MYO1E: variants seen among roughly 807,000 people sequenced by gnomAD.
MYO1E encodes the protein unconventional myosin-Ie.
MYO1E carries 68 observed loss-of-function variants against 151.1 expected under a neutral mutation model. The ratio of observed to expected loss-of-function variants is 0.45; its 90% CI spans 0.37 to 0.55. The LOEUF is 0.55. MYO1E is among the 20% of genes least tolerant of loss of function. MYO1E has a pLI of 0.00. For synonymous variants in MYO1E, 601 were observed against 501.7 expected (o/e 1.20, Z -2.64); for missense variants, 1,363 against 1,389.3 (o/e 0.98, Z 0.30).
intron 1 of MYO1E, among the ~76,000 whole-genome samples, chr15:59,309,346 C>A (rs1198922288): frequency 2.0e-5 from 3 of 152,104 alleles, no homozygotes; most frequent in African/African-American, 7.2e-5. Context: ...CTACAACCCC[C>A]AAAAAAGCAA....
intron 1 of MYO1E, among the ~76,000 whole-genome samples, chr15:59,307,323 G>A (rs554692635): frequency 5.9e-5 from 9 of 152,302 alleles, no homozygotes; most frequent in Admixed American, 2.6e-4. Flanking sequence ...CCCTGGGCCC[G>A]GGGAGGATGA....
intron 1 of MYO1E, among the ~76,000 whole-genome samples, chr15:59,332,075 T>C (rs971835178): frequency 7.2e-5 from 11 of 152,236 alleles, no homozygotes; most frequent in African/African-American, 2.7e-4. Context: ...AAAGCAAAAG[T>C]ATCCTACCAT....
intron 5 of MYO1E, among the ~76,000 whole-genome samples, chr15:59,235,220 T>G: frequency 6.6e-6 from 1 of 152,200 alleles, no homozygotes; most frequent in East Asian, 1.9e-4. Context: ...GTTTCTTGAA[T>G]TGGCAAGTGG....
Position 59,205,433 on chromosome 15 carries a change from A to G in MYO1E, c.1583T>C (p.Met528Thr). The G allele has an allele frequency of 1.9e-6, 3 of 1,614,230 alleles. No individual in the cohort carries two copies. The highest frequency in any genetic ancestry group is 2.2e-5 in the East Asian group (1 of 44,894). The change falls in exon 15 of 28, where the codon ATG becomes ACG. Residue 528 changes from methionine (M) to threonine (T), a missense_variant. Transcript: ENST00000288235. ...GCTCTGCATAAGCTCGATGAGATCC[A>G]TAAAAAGCACATCCCGGTTCCTTTC... is the stretch of plus-strand genomic sequence containing the variant. The part of the protein sequence containing the change: ...FCERNRDVLF[M>T]DLIELMQSSE...
intron 13 of MYO1E, among the ~76,000 whole-genome samples, chr15:59,209,264 T>C (rs2079861336): frequency 6.6e-6 from 1 of 152,260 alleles, no homozygotes. Flanking sequence ...CATTCTATAA[T>C]GCATTTCCTT....
intron 9 of MYO1E, among the ~76,000 whole-genome samples, chr15:59,218,706 T>C (rs2079935050): frequency 6.6e-6 from 1 of 152,208 alleles, no homozygotes; most frequent in African/African-American, 2.4e-5. Flanking sequence ...AAGCTGAATA[T>C]GTAACACAGA....
intron 17 of MYO1E, among the ~76,000 whole-genome samples, chr15:59,189,270 G>A (rs1365942020): frequency 6.6e-6 from 1 of 152,130 alleles, no homozygotes; most frequent in Non-Finnish European, 1.5e-5. Flanking sequence ...ACTTTGCCCA[G>A]GCTGGTCTCA....
At chr15:59,207,559 A>G in intron 14 of MYO1E, 1 of 1,614,104 alleles carries the variant, frequency 6.2e-7, no homozygotes, top group Non-Finnish European at 8.5e-7. Flanking sequence ...CAAAAACCGT[A>G]TTATTGGAAG....
intron 1 of MYO1E, among the ~76,000 whole-genome samples, chr15:59,307,771 C>G (rs371037007): frequency 1.3e-5 from 2 of 151,844 alleles, no homozygotes; most frequent in Non-Finnish European, 2.9e-5. Flanking sequence ...CCACTATGGC[C>G]GGCTAACTTT....
intron 22 of MYO1E, among the ~76,000 whole-genome samples, chr15:59,167,837 C>A (rs1304732300): frequency 6.6e-6 from 1 of 152,132 alleles, no homozygotes; most frequent in African/African-American, 2.4e-5. Flanking sequence ...CCACCATGCT[C>A]AACTAATTTT....
At chr15:59,357,685 G>A (rs1415610146) in intron 1 of MYO1E, among the ~76,000 whole-genome samples, 2 of 151,944 alleles carry the variant, frequency 1.3e-5, no homozygotes, top group East Asian at 1.9e-4. Context: ...CCTGACCTCA[G>A]GTGATCCACC....
At chr15:59,252,310 C>T (rs2080169557) in intron 4 of MYO1E, among the ~76,000 whole-genome samples, 2 of 152,130 alleles carry the variant, frequency 1.3e-5, no homozygotes, top group Non-Finnish European at 1.5e-5. Context: ...TAGCGGGGTG[C>T]GGTGCCTCGT....
chr15:59,157,552 G>A (rs1596345366), intron 25 of MYO1E, among the ~76,000 whole-genome samples: 1 of 152,112 alleles, frequency 6.6e-6, no homozygotes, highest in Admixed American at 6.6e-5. Flanking sequence ...GACACGAATC[G>A]TCCCTTTGCC....
intron 1 of MYO1E, among the ~76,000 whole-genome samples, chr15:59,286,552 G>A (rs774700745): frequency 2.6e-5 from 4 of 152,164 alleles, no homozygotes; most frequent in East Asian, 1.9e-4. Flanking sequence ...GTGTCTGGAC[G>A]TGCTAAGCGG....
intron 22 of MYO1E, among the ~76,000 whole-genome samples, chr15:59,171,576 C>T (rs1465707779): frequency 1.3e-5 from 2 of 152,156 alleles, no homozygotes; most frequent in African/African-American, 4.8e-5. Context: ...CTTGGCTCTA[C>T]TGCAACAAGA....
chr15:59,272,156 G>A (rs920861204), intron 2 of MYO1E, 150 bp downstream of exon 2: 4 of 805,790 alleles, frequency 5.0e-6, no homozygotes, highest in Non-Finnish European at 2.1e-6. Context: ...GGGTCTCCCT[G>A]TGTTGCCAGG....
chr15:59,231,891 G>A (rs1382732506), intron 5 of MYO1E, 100 bp from the exon 6 acceptor site: 2 of 1,307,184 alleles, frequency 1.5e-6, no homozygotes, highest in Admixed American at 1.8e-5. Context: ...ATGCATTAAG[G>A]TGAGGGGCCC....
At chr15:59,203,267 CCAGTAGCA>C (rs1440401448) in intron 15 of MYO1E, among the ~76,000 whole-genome samples, 1 of 151,410 alleles carries the variant, frequency 6.6e-6, no homozygotes, top group Non-Finnish European at 1.5e-5. Flanking sequence ...TCACCAGATG[CCAGTAGCA>C]CACTGTTCCC....
chr15:59,138,473 C>A, intron 26 of MYO1E, 106 bp from the exon 27 acceptor site: 2 of 1,214,070 alleles, frequency 1.6e-6, no homozygotes, highest in Non-Finnish European at 2.4e-6. Context: ...AAGTTCAAAT[C>A]CAGCTCCATC....
Sources: allele counts gnomAD v4.1 joint callset (sites outside exome capture counted in the v4.1 genomes callset), GRCh38; gene constraint gnomAD v4.1.1; transcripts MANE v1.5; gene names NCBI Gene and HGNC (gene_info 2026-07-23, HGNC 2026-07-21).